PUS10: variants seen among roughly 807,000 people sequenced by gnomAD.
The protein encoded by PUS10 is pseudouridine synthase 10.
Under a neutral mutation model 75.0 loss-of-function variants are expected in PUS10, and 59 were observed. That is an observed-to-expected ratio of 0.79 (90% confidence interval 0.64 to 0.98). The LOEUF is 0.98. PUS10 is among the 50% of genes least tolerant of loss of function. The pLI is 0.00. For missense variants in PUS10, 650 were observed against 614.4 expected (o/e 1.06, Z -0.61); for synonymous variants, 219 against 211.6 (o/e 1.03, Z -0.30).
chr2:60,963,970 G>A (rs1382278935), intron 8 of PUS10, among the ~76,000 whole-genome samples: 1 of 152,132 alleles, frequency 6.6e-6, no homozygotes, highest in Non-Finnish European at 1.5e-5. Context: ...AGGTTATTTG[G>A]GCAGAGCTTC....
chr2:60,979,902 CT>C (rs1373415356), intron 4 of PUS10, among the ~76,000 whole-genome samples: 1 of 152,220 alleles, frequency 6.6e-6, no homozygotes, highest in Non-Finnish European at 1.5e-5. Context: ...TTTTACAGCT[CT>C]ATTACTCCAG....
At chr2:61,001,514 T>C (rs1165543566) in intron 4 of PUS10, among the ~76,000 whole-genome samples, 1 of 152,192 alleles carries the variant, frequency 6.6e-6, no homozygotes, top group East Asian at 1.9e-4. Context: ...TGACCTCAGA[T>C]GATCCACCCA....
chr2:61,018,184 CG>C lies in PUS10; in HGVS notation c.-193del. Reference sequence around the variant, plus strand: ...CAGAATGGCTTCTCTATCTTTAAAGCGTAGACTTTGGTCTGTAGCAGTTGAG... The same window carrying C: ...CAGAATGGCTTCTCTATCTTTAAAGCTAGACTTTGGTCTGTAGCAGTTGAG... On this transcript the variant is annotated 5_prime_UTR_variant, in exon 1 of 18. It introduces an in-frame stop codon into an upstream open reading frame of the 5' UTR. Transcript: ENST00000316752. The C allele has an allele frequency of 6.4e-7, 1 of 1,550,886 alleles. No homozygotes were observed. The highest frequency in any genetic ancestry group is 2.4e-5 in the East Asian group (1 of 41,052).
chr2:61,005,903 C>A (rs567633420), intron 4 of PUS10, among the ~76,000 whole-genome samples: 78 of 152,284 alleles, frequency 5.1e-4, no homozygotes, highest in Non-Finnish European at 1.0e-3. Flanking sequence ...AGGGGAAAGA[C>A]ATCTCATAAA....
At chr2:60,996,028 C>T (rs1678436877) in intron 4 of PUS10, among the ~76,000 whole-genome samples, 2 of 152,170 alleles carry the variant, frequency 1.3e-5, no homozygotes, top group South Asian at 4.1e-4. Context: ...GAATAACCTG[C>T]CAACTGCAAT....
At chr2:60,984,400 G>A (rs938031201) in intron 4 of PUS10, among the ~76,000 whole-genome samples, 7 of 152,204 alleles carry the variant, frequency 4.6e-5, no homozygotes, top group Non-Finnish European at 1.0e-4. Context: ...TTTGCATATA[G>A]GTTAGAAAAT....
At chr2:60,969,873 G>A (rs1258518229) in intron 5 of PUS10, among the ~76,000 whole-genome samples, 2 of 152,132 alleles carry the variant, frequency 1.3e-5, no homozygotes, top group Middle Eastern at 3.2e-3. Context: ...GATCACCTGA[G>A]GTCAGGAGTT....
At chr2:61,010,028 G>A (rs1005393865) in intron 2 of PUS10, 1 of 152,222 alleles carries the variant, frequency 6.6e-6, no homozygotes, top group Non-Finnish European at 1.5e-5. Context: ...ATAGTTACAT[G>A]AATAGAACAG....
At chr2:60,973,519 G>A (rs562144066) in intron 4 of PUS10, among the ~76,000 whole-genome samples, 35 of 152,370 alleles carry the variant, frequency 2.3e-4, no homozygotes, top group Middle Eastern at 3.4e-3. Flanking sequence ...GTGCTGACAC[G>A]CCAGCCCCAT....
At chr2:60,991,031 C>G (rs1678039744) in intron 4 of PUS10, among the ~76,000 whole-genome samples, 1 of 152,134 alleles carries the variant, frequency 6.6e-6, no homozygotes, top group Non-Finnish European at 1.5e-5. Flanking sequence ...GTGTGAACAA[C>G]CATGCCTGGC....
intron 4 of PUS10, 44 bp from the exon 5 acceptor site, chr2:60,971,601 C>CAA: frequency 6.3e-7 from 1 of 1,580,206 alleles, no homozygotes; most frequent in Non-Finnish European, 8.7e-7. Context: ...AAGGGGGAAA[C>CAA]ATGTTCAGTG....
At chr2:60,956,854 AGTCCC>A (rs1675693601) in intron 11 of PUS10, among the ~76,000 whole-genome samples, 1 of 151,604 alleles carries the variant, frequency 6.6e-6, no homozygotes, top group Admixed American at 6.6e-5. Context: ...GTGTGCCTGT[AGTCCC>A]AGCTACTTGG....
chr2:60,985,027 A>G (rs1677630720), intron 4 of PUS10, among the ~76,000 whole-genome samples: 1 of 152,196 alleles, frequency 6.6e-6, no homozygotes, highest in Non-Finnish European at 1.5e-5. Flanking sequence ...CTGTTTTTAT[A>G]ATTTAAAAAA....
At chr2:60,950,915 A>G (rs982567983) in intron 15 of PUS10, among the ~76,000 whole-genome samples, 3 of 152,156 alleles carry the variant, frequency 2.0e-5, no homozygotes, top group Non-Finnish European at 4.4e-5. Flanking sequence ...TTTTGCAGTC[A>G]TTACCATGTT....
chr2:60,990,156 G>A lies in PUS10; in HGVS notation c.468+16401C>T, dbSNP rs531231588. 1.1e-4 allele frequency among the ~76,000 whole-genome samples: 16 copies of A among 151,760 alleles called. No homozygotes were observed. The South Asian group carries it at 3.1e-3, about 30-fold the overall frequency. On this transcript the variant is annotated intron_variant, in intron 4 of 17. Transcript: ENST00000316752. ...CACCCATACACATACTCACACGCAC[G>A]CACGGGAAAAAAAACCTAGAAAACA...
chr2:60,989,056 C>A (rs1461366897), intron 4 of PUS10, among the ~76,000 whole-genome samples: 1 of 152,078 alleles, frequency 6.6e-6, no homozygotes, highest in Non-Finnish European at 1.5e-5. Flanking sequence ...AATTTGAAAG[C>A]TAGAAAGCAG....
chr2:61,010,984 T>C, intron 2 of PUS10: 2 of 1,429,752 alleles, frequency 1.4e-6, no homozygotes, highest in Non-Finnish European at 1.9e-6. Context: ...TTGAATATTG[T>C]GTATTATTAT....
chr2:61,002,284 C>T (rs1421127531), intron 4 of PUS10, among the ~76,000 whole-genome samples: 1 of 152,214 alleles, frequency 6.6e-6, no homozygotes, highest in African/African-American at 2.4e-5. Flanking sequence ...TGTCAGATAA[C>T]ACACTTTTAG....
Position 61,018,213 on chromosome 2 carries a change from C to T in PUS10, c.-221G>A. The T allele has an allele frequency of 1.9e-6, 3 of 1,550,936 alleles. No individual in the cohort carries two copies. Among genetic ancestry groups the T allele is most frequent in the East Asian group, 2.4e-5 (1 of 41,050 alleles). On this transcript the variant is annotated 5_prime_UTR_variant, in exon 1 of 18. Transcript: ENST00000316752. The stretch of plus-strand genomic sequence containing the variant: ...GACTTTGGTCTGTAGCAGTTGAGAG[C>T]GGCATTTGTCCAGCCACGGCATCGA...
Sources: gnomAD v4.1 joint callset for allele counts (sites outside exome capture counted in the v4.1 genomes callset) on GRCh38, gnomAD v4.1.1 for gene constraint, MANE v1.5 for transcripts, NCBI Gene and HGNC (gene_info 2026-07-23, HGNC 2026-07-21) for gene names.